PTTG1IP: variants seen among roughly 807,000 people sequenced by gnomAD.
PTTG1IP encodes PTTG1 interacting protein.
Under a neutral mutation model 24.4 loss-of-function variants are expected in PTTG1IP, and 16 were observed. The observed-to-expected ratio is 0.66, with a 90% CI of 0.44 to 1.00. The LOEUF (loss-of-function observed/expected upper bound fraction) is 1.00, where lower values mean the gene tolerates loss of function less well. Ranked by LOEUF, PTTG1IP falls within the 50% of genes least tolerant of loss-of-function variation. The pLI is 0.00. For missense variants in PTTG1IP, 241 were observed against 245.8 expected (o/e 0.98, Z 0.13); for synonymous variants, 89 against 96.8 (o/e 0.92, Z 0.47).
At position 44,859,888 on chromosome 21, in the gene PTTG1IP, G is replaced by T. The variant is rs548277922; in HGVS notation, c.277+1275C>A. Among the ~76,000 whole-genome samples the T allele has an allele frequency of 1.4e-4, 21 of 152,342 alleles. No individual in the cohort carries two copies. The East Asian group carries it at 3.9e-3, about 28-fold the overall frequency. On this transcript the variant is annotated intron_variant, in intron 3 of 5. Transcript: ENST00000330938. The stretch of plus-strand genomic sequence containing the variant: ...TAGAAGAGTGGTAAGTAAGACGTAA[G>T]TTGCAGAGGGATCCAAGATGCAAAT...
At chr21:44,855,292 C>T in intron 4 of PTTG1IP, 36 bp from the exon 5 acceptor site, 1 of 1,586,996 alleles carries the variant, frequency 6.3e-7, no homozygotes. Context: ...CACCAAACGA[C>T]AGCGCACGGT....
chr21:44,861,957 T>C, intron 2 of PTTG1IP: 2 of 668,538 alleles, frequency 3.0e-6, no homozygotes, highest in South Asian at 3.2e-5. Context: ...TGAAAGATGA[T>C]GCAACTACGG....
At position 44,849,784 on chromosome 21, in the gene PTTG1IP, A is replaced by T. The variant is rs567814515; in HGVS notation, c.*1797T>A. The T allele has an allele frequency of 6.6e-6, 1 of 152,448 alleles. No homozygotes were observed. The highest frequency in any genetic ancestry group is 6.5e-5 in the Admixed American group (1 of 15,304). 9.4% of individuals were successfully genotyped at this position (152,448 alleles called of 1,614,324 possible). A position where few individuals can be genotyped will look rare whatever the true frequency, so the allele number is the denominator to read the frequency against. ...AAGGGCTGACTACGCTGTATTTCAC[A>T]ACCGAGCCCTAGCGCCAGCTCAGCA... On this transcript the variant is annotated 3_prime_UTR_variant, in exon 6 of 6. Transcript: ENST00000330938.
At chr21:44,853,111 G>A (rs2083422590) in intron 5 of PTTG1IP, among the ~76,000 whole-genome samples, 1 of 152,230 alleles carries the variant, frequency 6.6e-6, no homozygotes, top group Non-Finnish European at 1.5e-5. Flanking sequence ...TAAAGGTCGA[G>A]CAACTTAAAC....
At chr21:44,871,249 AGG>A (rs1021562327) in intron 1 of PTTG1IP, among the ~76,000 whole-genome samples, 1 of 95,020 alleles carries the variant, frequency 1.1e-5, no homozygotes, top group Non-Finnish European at 2.2e-5. Flanking sequence ...TCAGGGTGAC[AGG>A]GGCAGAACTC....
intron 5 of PTTG1IP, among the ~76,000 whole-genome samples, chr21:44,852,659 A>G (rs1242900019): frequency 6.6e-6 from 1 of 152,222 alleles, no homozygotes; most frequent in Non-Finnish European, 1.5e-5. Context: ...CACAGGCATC[A>G]GGCTTTGGGA....
chr21:44,851,741 G>A (rs1015019489), intron 5 of PTTG1IP, 114 bp from the exon 6 acceptor site: 8 of 1,336,316 alleles, frequency 6.0e-6, no homozygotes, highest in African/African-American at 2.9e-5. Context: ...TAGCAACAAC[G>A]GGCATTGTAA....
At chr21:44,865,815 G>A (rs897919194) in intron 1 of PTTG1IP, 37 of 299,646 alleles carry the variant, frequency 1.2e-4, no homozygotes, top group African/African-American at 7.7e-4. Flanking sequence ...GGGACCTTCT[G>A]CTCATCAGCA....
At chr21:44,853,861 G>C (rs2083428889) in intron 5 of PTTG1IP, among the ~76,000 whole-genome samples, 1 of 152,214 alleles carries the variant, frequency 6.6e-6, no homozygotes, top group African/African-American at 2.4e-5. Flanking sequence ...TCAGCCACTG[G>C]GCATCTCGAG....
At chr21:44,855,124 C>A (rs747000094) in intron 5 of PTTG1IP, 86 bp downstream of exon 5, 3 of 1,407,036 alleles carry the variant, frequency 2.1e-6, no homozygotes, top group Non-Finnish European at 3.0e-6. Flanking sequence ...ACAGCCCCAT[C>A]TCAGGCCACA....
At chr21:44,852,189 T>C (rs531562336) in intron 5 of PTTG1IP, among the ~76,000 whole-genome samples, 1 of 151,206 alleles carries the variant, frequency 6.6e-6, no homozygotes, top group East Asian at 1.9e-4. Context: ...CTTTATTTTT[T>C]ATTTTTTTTT....
chr21:44,854,852 AG>A (rs2083437182), intron 5 of PTTG1IP, among the ~76,000 whole-genome samples: 1 of 152,156 alleles, frequency 6.6e-6, no homozygotes, highest in South Asian at 2.1e-4. Context: ...CGAGGATGAG[AG>A]GGCCGCCCTG....
intron 1 of PTTG1IP, 70 bp from the exon 2 acceptor site, chr21:44,865,517 C>T: frequency 6.6e-7 from 1 of 1,519,780 alleles, no homozygotes; most frequent in South Asian, 1.1e-5. Flanking sequence ...TCCAGCAGGG[C>T]AGGGTGGGCA....
At chr21:44,871,214 CTG>C (rs1281191833) in intron 1 of PTTG1IP, among the ~76,000 whole-genome samples, 1 of 151,956 alleles carries the variant, frequency 6.6e-6, no homozygotes, top group African/African-American at 2.4e-5. Flanking sequence ...CTGTAGCACT[CTG>C]TACAGTTAGA....
Position 44,855,239 on chromosome 21 carries a change from G to T in PTTG1IP, c.467C>A (p.Thr156Lys). The T allele has an allele frequency of 6.2e-7, 1 of 1,612,316 alleles. No individual in the cohort carries two copies. Among genetic ancestry groups the T allele is most frequent in the South Asian group, 1.1e-5 (1 of 91,026 alleles). ...RQEERRAEMK[T>K]RHDEIRKKYG... ...TTTTTTTCTGATTTCATCATGTCTT[G>T]TCTTCATCTCTGCTCTCCTAAAACA... The change falls in exon 5 of 6, where the codon ACA becomes AAA. Residue 156 changes from threonine (T) to lysine (K), a missense_variant. Transcript: ENST00000330938.
intron 2 of PTTG1IP, among the ~76,000 whole-genome samples, chr21:44,864,758 T>C (rs1366073091): frequency 6.6e-6 from 1 of 152,236 alleles, no homozygotes; most frequent in African/African-American, 2.4e-5. Flanking sequence ...CGGGTGCTCC[T>C]TCTTCCAGGT....
At chr21:44,871,420 T>C (rs895320502) in intron 1 of PTTG1IP, among the ~76,000 whole-genome samples, 2 of 152,148 alleles carry the variant, frequency 1.3e-5, no homozygotes, top group African/African-American at 4.8e-5. Flanking sequence ...TCTGACCCCA[T>C]ACACAAATAA....
intron 1 of PTTG1IP, among the ~76,000 whole-genome samples, chr21:44,870,338 C>A (rs140291895): frequency 2.6e-5 from 4 of 152,112 alleles, no homozygotes; most frequent in Non-Finnish European, 4.4e-5. Context: ...GTCAGGAGTT[C>A]GAGACCGGCC....
chr21:44,862,441 C>A (rs1011727151), intron 2 of PTTG1IP, among the ~76,000 whole-genome samples: 2 of 152,220 alleles, frequency 1.3e-5, no homozygotes, highest in Non-Finnish European at 2.9e-5. Flanking sequence ...ATCGCTTGAG[C>A]CCAGGAGGCG....
Sources: gnomAD v4.1 joint callset for allele counts (sites outside exome capture counted in the v4.1 genomes callset) on GRCh38, gnomAD v4.1.1 for gene constraint, MANE v1.5 for transcripts, NCBI Gene and HGNC (gene_info 2026-07-23, HGNC 2026-07-21) for gene names.